CALN1: variants seen among roughly 807,000 people sequenced by gnomAD.
CALN1 encodes the protein calcium-binding protein 8.
Under a neutral mutation model 30.6 loss-of-function variants are expected in CALN1, and 17 were observed. That is an observed-to-expected ratio of 0.56 (90% CI 0.38 to 0.83). The LOEUF is 0.83. Among genes scored for constraint, CALN1 ranks in the 40% least tolerant of loss-of-function variants. The pLI, the probability that CALN1 is intolerant of heterozygous loss-of-function variation, is 0.00. For missense variants in CALN1, 291 were observed against 354.9 expected (o/e 0.82, Z 1.45); for synonymous variants, 156 against 131.4 (o/e 1.19, Z -1.28).
At chr7:71,951,978 T>A (rs906582369) in intron 5 of CALN1, among the ~76,000 whole-genome samples, 5 of 151,796 alleles carry the variant, frequency 3.3e-5, no homozygotes, top group Non-Finnish European at 5.9e-5. Context: ...ACCCAACCAA[T>A]CCATCACTTG....
intron 3 of CALN1, among the ~76,000 whole-genome samples, chr7:72,203,822 C>G (rs10238190): frequency 5.3e-5 from 8 of 151,442 alleles, no homozygotes; most frequent in Admixed American, 5.3e-4. Context: ...ATTTTTTTTT[C>G]TAAGTGCAAA....
intron 3 of CALN1, among the ~76,000 whole-genome samples, chr7:72,205,551 A>AAATATATAAATATATATATATATAT: frequency 1.2e-5 from 1 of 83,042 alleles, no homozygotes; most frequent in Non-Finnish European, 2.0e-5. Context: ...GCAAAAAAAA[A>AAATATATAAATATATATATATATAT]ATATATATAT....
chr7:72,042,657 G>A (rs2129534163), intron 4 of CALN1, among the ~76,000 whole-genome samples: 1 of 152,168 alleles, frequency 6.6e-6, no homozygotes, highest in East Asian at 1.9e-4. Flanking sequence ...GATTGCTTGA[G>A]GCCAACAGAT....
intron 3 of CALN1, among the ~76,000 whole-genome samples, chr7:72,207,192 C>G (rs76154251): frequency 6.6e-6 from 1 of 152,178 alleles, no homozygotes; most frequent in Non-Finnish European, 1.5e-5. Flanking sequence ...TCCTCCCACT[C>G]TCTCCCCGAT....
At chr7:72,430,473 A>G (rs1366307728) in intron 1 of CALN1, among the ~76,000 whole-genome samples, 1 of 152,056 alleles carries the variant, frequency 6.6e-6, no homozygotes, top group African/African-American at 2.4e-5. Context: ...TGTTTAGGTC[A>G]CCTGCTTTAA....
intron 3 of CALN1, among the ~76,000 whole-genome samples, chr7:72,147,047 C>T (rs1450167013): frequency 4.6e-5 from 7 of 152,188 alleles, no homozygotes; most frequent in Non-Finnish European, 7.4e-5. Flanking sequence ...CCATTCAGGA[C>T]ATAGGCATAG....
intron 5 of CALN1, among the ~76,000 whole-genome samples, chr7:71,969,934 C>T (rs901916217): frequency 1.3e-5 from 2 of 151,864 alleles, no homozygotes; most frequent in Non-Finnish European, 2.9e-5. Context: ...AAGTGATCCT[C>T]CCACCTCAGC....
intron 4 of CALN1, among the ~76,000 whole-genome samples, chr7:72,078,677 A>C (rs1185545460): frequency 6.6e-6 from 1 of 152,118 alleles, no homozygotes; most frequent in South Asian, 2.1e-4. Context: ...TTGTGCCTGT[A>C]ATCTCTGCAC....
intron 3 of CALN1, among the ~76,000 whole-genome samples, chr7:72,186,647 T>C (rs1790209668): frequency 6.6e-6 from 1 of 152,124 alleles, no homozygotes; most frequent in South Asian, 2.1e-4. Flanking sequence ...AGCTCTCACT[T>C]ACAAGTGAGA....
chr7:72,326,926 G>A (rs955115869), intron 2 of CALN1, among the ~76,000 whole-genome samples: 32 of 152,056 alleles, frequency 2.1e-4, no homozygotes, highest in African/African-American at 7.7e-4. Flanking sequence ...TAAATTCCAT[G>A]GTTCTATTAC....
intron 3 of CALN1, among the ~76,000 whole-genome samples, chr7:72,247,610 G>T (rs575434895): frequency 6.6e-6 from 1 of 152,248 alleles, no homozygotes; most frequent in Admixed American, 6.5e-5. Context: ...CCACTTTACA[G>T]AAGTGGTAAC....
chr7:72,440,404 A>G (rs1365835393), intron 1 of CALN1, among the ~76,000 whole-genome samples: 1 of 152,242 alleles, frequency 6.6e-6, no homozygotes, highest in African/African-American at 2.4e-5. Flanking sequence ...TTTTATGACC[A>G]GCCAGGCACA....
At chr7:72,246,637 G>GA (rs1445912374) in intron 3 of CALN1, among the ~76,000 whole-genome samples, 1 of 151,784 alleles carries the variant, frequency 6.6e-6, no homozygotes, top group Non-Finnish European at 1.5e-5. Flanking sequence ...GTGGACAGGA[G>GA]AAAAAAAGAC....
At chr7:72,314,418 C>CACATATATACACATATATAT (rs1198195005) in intron 2 of CALN1, among the ~76,000 whole-genome samples, 1 of 148,112 alleles carries the variant, frequency 6.8e-6, no homozygotes, top group African/African-American at 2.5e-5. Context: ...CATATATATA[C>CACATATATACACATATATAT]ACACATACAT....
intron 5 of CALN1, among the ~76,000 whole-genome samples, chr7:71,835,517 G>A (rs1434155064): frequency 6.6e-6 from 1 of 152,026 alleles, no homozygotes; most frequent in East Asian, 1.9e-4. Flanking sequence ...ATCACAAATC[G>A]AGCACACGGC....
upstream of CALN1, among the ~76,000 whole-genome samples, chr7:72,416,156 G>A (rs569045280): frequency 1.9e-4 from 29 of 152,158 alleles, no homozygotes; most frequent in Non-Finnish European, 4.0e-4. Flanking sequence ...GCACCTCTCC[G>A]TGAGACACAC....
At chr7:71,974,523 T>C (rs1288376657) in intron 5 of CALN1, among the ~76,000 whole-genome samples, 1 of 151,112 alleles carries the variant, frequency 6.6e-6, no homozygotes, top group South Asian at 2.1e-4. Flanking sequence ...ACAGGCTAGG[T>C]GCCTGTTCCA....
At chr7:72,159,815 A>T (rs1787971576) in intron 3 of CALN1, among the ~76,000 whole-genome samples, 1 of 152,174 alleles carries the variant, frequency 6.6e-6, no homozygotes, top group African/African-American at 2.4e-5. Flanking sequence ...ATAATAAAAT[A>T]AAAAGTGGGT....
intron 3 of CALN1, among the ~76,000 whole-genome samples, chr7:72,274,060 C>T (rs1797182472): frequency 6.6e-6 from 1 of 151,840 alleles, no homozygotes; most frequent in South Asian, 2.1e-4. Context: ...TAGCTAATAG[C>T]TATTTCCTAA....
Sources: allele counts gnomAD v4.1 joint callset (sites outside exome capture counted in the v4.1 genomes callset), GRCh38; gene constraint gnomAD v4.1.1; transcripts MANE v1.5; gene names NCBI Gene and HGNC (gene_info 2026-07-23, HGNC 2026-07-21).